RERE: variants seen among roughly 807,000 people sequenced by gnomAD.
The protein encoded by RERE is arginine-glutamic acid dipeptide repeats.
RERE carries 40 observed loss-of-function variants against 146.1 expected under a neutral mutation model. That is an observed-to-expected ratio of 0.27 (90% CI 0.21 to 0.36). The LOEUF is 0.36. Ranked by LOEUF, RERE falls within the 10% of genes least tolerant of loss-of-function variation. RERE has a pLI of 1.00. For synonymous variants in RERE, 1,003 were observed against 866.0 expected (o/e 1.16, Z -2.78); for missense variants, 1,933 against 2,138.7 (o/e 0.90, Z 1.90).
At chr1:8,757,952 T>C (rs937725669) in intron 1 of RERE, among the ~76,000 whole-genome samples, 2 of 119,988 alleles carry the variant, frequency 1.7e-5, no homozygotes, top group Non-Finnish European at 3.7e-5. Context: ...TAGGATACTA[T>C]GTGTTCTAAG....
At position 8,746,224 on chromosome 1, in the gene RERE, T is replaced by C. The variant is rs1640417732; in HGVS notation, c.-145+70936A>G. 2.0e-5 allele frequency among the ~76,000 whole-genome samples: 3 copies of C among 152,374 alleles called. No individual in the cohort carries two copies. In the South Asian group the frequency reaches 6.2e-4, roughly 32 times the overall value. The stretch of plus-strand genomic sequence containing the variant: ...TCTCTGTTCAAAGAGATTGTATCTA[T>C]GTTAACGTAAATCATAGTCTGATGA... On this transcript the variant is annotated intron_variant, in intron 1 of 22. Coordinates refer to ENST00000400908, the MANE Select transcript of RERE (RefSeq NM_001042681.2).
chr1:8,486,345 C>G (rs1313958277), intron 10 of RERE, among the ~76,000 whole-genome samples: 2 of 152,146 alleles, frequency 1.3e-5, no homozygotes, highest in African/African-American at 4.8e-5. Flanking sequence ...ACTGAGTACT[C>G]TTTGACCACT....
rs573135224 is a variant in RERE at position 8,516,227 on chromosome 1, G to GGAAAAAAA, written c.831-7553_831-7552insTTTTTTTC. Among the ~76,000 whole-genome samples, 8 of 52,302 alleles carry GGAAAAAAA rather than the reference G, an allele frequency of 1.5e-4. 1 individual carries two copies. Among genetic ancestry groups the GGAAAAAAA allele is most frequent in the African/African-American group, 6.9e-4 (8 of 11,596 alleles). 34.3% of individuals were successfully genotyped at this position (52,302 alleles called of 152,430 possible). A position where few individuals can be genotyped will look rare whatever the true frequency, so the allele number is the denominator to read the frequency against. On this transcript the variant is annotated intron_variant, in intron 7 of 22. Coordinates refer to ENST00000400908, the MANE Select transcript of RERE (RefSeq NM_001042681.2). ...GGGACGGAGCAAGACTCTCTCAGAG[G>GGAAAAAAA]AAAAAAAAAAAAAAAAAAAAAATCT...
chr1:8,601,485 G>A (rs1646624961), intron 4 of RERE, among the ~76,000 whole-genome samples: 1 of 152,044 alleles, frequency 6.6e-6, no homozygotes. Context: ...GTGTCACTGT[G>A]GTGACAAGAC....
intron 4 of RERE, among the ~76,000 whole-genome samples, chr1:8,585,143 T>C (rs1371449462): frequency 4.8e-5 from 4 of 82,578 alleles, no homozygotes; most frequent in Non-Finnish European, 9.2e-5. Flanking sequence ...CAAGACTCCA[T>C]CTCAAAAAAA....
intron 1 of RERE, among the ~76,000 whole-genome samples, chr1:8,730,323 T>C (rs1640054338): frequency 6.6e-6 from 1 of 152,068 alleles, no homozygotes; most frequent in South Asian, 2.1e-4. Flanking sequence ...TTTCCCCCAT[T>C]TGTTTTTGGG....
At chr1:8,615,985 G>A (rs954829565) in intron 3 of RERE, among the ~76,000 whole-genome samples, 36 of 152,158 alleles carry the variant, frequency 2.4e-4, no homozygotes, top group Non-Finnish European at 3.7e-4. Context: ...AGTGTCAGTA[G>A]CCACAACCTT....
At chr1:8,436,013 C>A (rs911033065) in intron 11 of RERE, among the ~76,000 whole-genome samples, 11 of 152,176 alleles carry the variant, frequency 7.2e-5, no homozygotes, top group African/African-American at 2.7e-4. Context: ...CACACAGCTA[C>A]GCCCAAATTA....
chr1:8,681,016 G>A (rs1403083939), intron 1 of RERE, among the ~76,000 whole-genome samples: 2 of 152,188 alleles, frequency 1.3e-5, no homozygotes, highest in African/African-American at 4.8e-5. Context: ...CACCTGAGTG[G>A]AGAGCCGGAG....
chr1:8,751,951 CAAAA>C (rs34734074), intron 1 of RERE, among the ~76,000 whole-genome samples: 2 of 131,110 alleles, frequency 1.5e-5, no homozygotes, highest in Non-Finnish European at 1.6e-5. Flanking sequence ...TTTAAGATTG[CAAAA>C]AAAAAAAAAA....
intron 11 of RERE, among the ~76,000 whole-genome samples, chr1:8,438,253 A>C (rs1313672565): frequency 2.3e-5 from 2 of 85,450 alleles, no homozygotes; most frequent in African/African-American, 1.6e-4. Context: ...AGCCTCCCAA[A>C]GAGTTGGGAT....
chr1:8,673,029 C>T (rs1638752402), intron 1 of RERE, among the ~76,000 whole-genome samples: 1 of 152,118 alleles, frequency 6.6e-6, no homozygotes, highest in Non-Finnish European at 1.5e-5. Context: ...TTCTACCCTC[C>T]TGATAAGGAA....
At chr1:8,803,195 G>T (rs569886741) in intron 1 of RERE, among the ~76,000 whole-genome samples, 1 of 152,074 alleles carries the variant, frequency 6.6e-6, no homozygotes, top group Middle Eastern at 3.4e-3. Flanking sequence ...GTCACTGTTC[G>T]GCCAGGTGCA....
intron 11 of RERE, among the ~76,000 whole-genome samples, chr1:8,446,773 A>C (rs1452249006): frequency 3.3e-5 from 5 of 151,694 alleles, no homozygotes; most frequent in Non-Finnish European, 5.9e-5. Flanking sequence ...CTCCGGGTTC[A>C]CGCCATTCTC....
Position 8,545,177 on chromosome 1 carries a change from A to G in RERE, c.726-3859T>C, listed in dbSNP as rs1191501646. On this transcript the variant is annotated intron_variant, in intron 6 of 22. Transcript: ENST00000400908. ...GAAATAACCAGTTCCAGAGCCTCCT[A>G]AAGTCTTGTATACTCTGTATCTAAA... Among the ~76,000 whole-genome samples the G allele has an allele frequency of 3.3e-5, 5 of 152,350 alleles. No homozygotes were observed. In the East Asian group the frequency reaches 7.7e-4, roughly 23 times the overall value.
At chr1:8,694,973 A>AGGG (rs57215572) in intron 1 of RERE, among the ~76,000 whole-genome samples, 1,679 of 32,912 alleles carry the variant, frequency 0.051, 128 homozygotes, top group African/African-American at 0.073. Context: ...AGAAATCCTA[A>AGGG]GGGGGGGGGG....
At chr1:8,722,996 G>A (rs1639893044) in intron 1 of RERE, among the ~76,000 whole-genome samples, 1 of 152,314 alleles carries the variant, frequency 6.6e-6, no homozygotes, top group East Asian at 1.9e-4. Context: ...CAACAGAGTT[G>A]TCTTTGACCC....
intron 12 of RERE, among the ~76,000 whole-genome samples, chr1:8,380,331 G>C (rs1642402519): frequency 7.1e-6 from 1 of 140,756 alleles, no homozygotes; most frequent in Non-Finnish European, 1.5e-5. Flanking sequence ...ACTCCCAAAA[G>C]TCAACAGGCT....
intron 11 of RERE, among the ~76,000 whole-genome samples, chr1:8,432,642 A>G (rs1386711316): frequency 6.6e-6 from 1 of 152,188 alleles, no homozygotes; most frequent in Admixed American, 6.5e-5. Flanking sequence ...CTTTCCAGCA[A>G]GAGGTGAGTA....
Sources: allele counts gnomAD v4.1 joint callset (sites outside exome capture counted in the v4.1 genomes callset), GRCh38; gene constraint gnomAD v4.1.1; transcripts MANE v1.5; gene names NCBI Gene and HGNC (gene_info 2026-07-23, HGNC 2026-07-21).